Variants in PKP4 observed in about 807,000 individuals in gnomAD.
The protein encoded by PKP4 is plakophilin-4.
Under a neutral mutation model 145.1 loss-of-function variants are expected in PKP4, and 90 were observed. The observed-to-expected ratio is 0.62, with a 90% CI of 0.52 to 0.74. The LOEUF (loss-of-function observed/expected upper bound fraction) is 0.74, where lower values mean the gene tolerates loss of function less well. Among genes scored for constraint, PKP4 ranks in the 30% least tolerant of loss-of-function variants. The pLI, the probability that PKP4 is intolerant of heterozygous loss-of-function variation, is 0.00. For synonymous variants in PKP4, 563 were observed against 577.2 expected, an observed-to-expected ratio of 0.98 and a Z score of 0.35; for missense variants, 1,340 against 1,482.7, an observed-to-expected ratio of 0.90 and a Z score of 1.58.
Position 158,680,660 on chromosome 2 carries a change from C to T in PKP4, c.3562C>T (p.Pro1188Ser), listed in dbSNP as rs770554618. 2.5e-6 allele frequency: 4 copies of T among 1,612,492 alleles called. No homozygotes were observed. Residue 1188 changes from proline to serine, a missense_variant, in exon 22 of 22, where the codon CCA (proline) becomes TCA (serine). Physicochemically the swap from Pro to Ser is moderately conservative, Grantham distance 74. Transcript: ENST00000389759. Reference sequence around the variant, plus strand: ...TAGAGCAGAACAGTACCCAGGGTCCCCAGACTCATGGGTGTAGCATCAAGA... The same window carrying T: ...TAGAGCAGAACAGTACCCAGGGTCCTCAGACTCATGGGTGTAGCATCAAGA... ...SYRAEQYPGSPDSWV is the reference protein window; with the variant it reads ...SYRAEQYPGSSDSWV
intron 16 of PKP4, among the ~76,000 whole-genome samples, chr2:158,667,557 T>C (rs2057213731): frequency 6.6e-6 from 1 of 152,092 alleles, no homozygotes; most frequent in Admixed American, 6.5e-5. Flanking sequence ...ACACCTGCCA[T>C]GAGAGAAGGA....
chr2:158,513,649 C>T (rs2041702751), intron 1 of PKP4, among the ~76,000 whole-genome samples: 1 of 152,312 alleles, frequency 6.6e-6, no homozygotes, highest in African/African-American at 2.4e-5. Flanking sequence ...AACTTTTACT[C>T]TCCTGACTCC....
chr2:158,476,029 C>T (rs1321258589), intron 1 of PKP4, among the ~76,000 whole-genome samples: 2 of 152,086 alleles, frequency 1.3e-5, no homozygotes, highest in African/African-American at 4.8e-5. Context: ...TCATAGAATT[C>T]GTTTTCATTG....
intron 1 of PKP4, among the ~76,000 whole-genome samples, chr2:158,473,180 A>G (rs917416528): frequency 2.0e-5 from 3 of 152,246 alleles, no homozygotes; most frequent in African/African-American, 7.2e-5. Context: ...GAGGTTGCAG[A>G]AAAAAGAGAA....
intron 1 of PKP4, among the ~76,000 whole-genome samples, chr2:158,520,388 AATT>A (rs1361182209): frequency 6.6e-6 from 1 of 152,244 alleles, no homozygotes; most frequent in African/African-American, 2.4e-5. Context: ...TACATCGTAA[AATT>A]ATATTTAGTC....
intron 1 of PKP4, among the ~76,000 whole-genome samples, chr2:158,469,762 T>C (rs1052177905): frequency 1.3e-5 from 2 of 152,246 alleles, no homozygotes; most frequent in South Asian, 2.1e-4. Context: ...ATTTTTAATA[T>C]GGTGCTTTTA....
intron 1 of PKP4, among the ~76,000 whole-genome samples, chr2:158,481,251 T>C (rs1693310622): frequency 6.6e-6 from 1 of 152,164 alleles, no homozygotes; most frequent in Non-Finnish European, 1.5e-5. Context: ...TGAATAATAT[T>C]CCATCACATG....
chr2:158,607,858 A>G (rs534012350), intron 4 of PKP4, among the ~76,000 whole-genome samples: 9 of 152,322 alleles, frequency 5.9e-5, no homozygotes, highest in African/African-American at 2.2e-4. Flanking sequence ...TAGTGGACCT[A>G]TGGCCTTGGC....
At chr2:158,579,485 A>G (rs547286002) in intron 3 of PKP4, among the ~76,000 whole-genome samples, 1 of 152,288 alleles carries the variant, frequency 6.6e-6, no homozygotes, top group East Asian at 1.9e-4. Context: ...TCATAAAAAA[A>G]CTTGACCATG....
intron 3 of PKP4, among the ~76,000 whole-genome samples, chr2:158,596,848 G>A (rs929199168): frequency 6.6e-6 from 1 of 152,080 alleles, no homozygotes; most frequent in African/African-American, 2.4e-5. Flanking sequence ...TACGGTTTTT[G>A]AGCTGTGGAA....
intron 2 of PKP4, among the ~76,000 whole-genome samples, chr2:158,568,132 A>C (rs900878472): frequency 6.6e-6 from 1 of 152,116 alleles, no homozygotes; most frequent in Non-Finnish European, 1.5e-5. Flanking sequence ...TCAGGAGTTC[A>C]AGACCAGCCT....
At chr2:158,675,413 G>A (rs1017995641) in intron 19 of PKP4, among the ~76,000 whole-genome samples, 5 of 151,952 alleles carry the variant, frequency 3.3e-5, no homozygotes, top group South Asian at 2.1e-4. Context: ...GCCCAAGGAC[G>A]CCAAAAGATT....
At chr2:158,637,776 T>TTAC (rs1307522361) in intron 9 of PKP4, among the ~76,000 whole-genome samples, 1 of 152,232 alleles carries the variant, frequency 6.6e-6, no homozygotes, top group Non-Finnish European at 1.5e-5. Flanking sequence ...CCAGTACGAG[T>TTAC]TACTCTATCA....
chr2:158,537,844 A>G (rs1348373841), intron 2 of PKP4, among the ~76,000 whole-genome samples: 2 of 152,108 alleles, frequency 1.3e-5, no homozygotes, highest in Non-Finnish European at 2.9e-5. Flanking sequence ...CCTGGGCAAC[A>G]TGACAAAAAC....
intron 4 of PKP4, among the ~76,000 whole-genome samples, chr2:158,606,580 G>A (rs551396396): frequency 1.3e-5 from 2 of 152,172 alleles, no homozygotes; most frequent in African/African-American, 4.8e-5. Flanking sequence ...TACAAAAAGT[G>A]GATAAAATTA....
intron 3 of PKP4, among the ~76,000 whole-genome samples, chr2:158,598,123 C>G (rs1257502685): frequency 6.6e-6 from 1 of 152,152 alleles, no homozygotes; most frequent in African/African-American, 2.4e-5. Context: ...TGTGTCAAGC[C>G]TGATTTTTTT....
chr2:158,499,782 A>G (rs1425687812), intron 1 of PKP4, among the ~76,000 whole-genome samples: 3 of 152,218 alleles, frequency 2.0e-5, no homozygotes, highest in South Asian at 4.2e-4. Flanking sequence ...TGGACTAAAT[A>G]AAAAACTGCA....
intron 4 of PKP4, among the ~76,000 whole-genome samples, chr2:158,616,887 A>C (rs567710965): frequency 1.1e-3 from 167 of 152,352 alleles, no homozygotes; most frequent in African/African-American, 3.7e-3. Context: ...GGTTCATTAA[A>C]GAGGCCTTAG....
intron 1 of PKP4, among the ~76,000 whole-genome samples, chr2:158,477,507 T>G (rs1257247390): frequency 6.6e-6 from 1 of 152,224 alleles, no homozygotes; most frequent in South Asian, 2.1e-4. Flanking sequence ...TATCAGCTCC[T>G]GTACCGTTGA....
Sources: gnomAD v4.1 joint callset for allele counts (sites outside exome capture counted in the v4.1 genomes callset) on GRCh38, gnomAD v4.1.1 for gene constraint, MANE v1.5 for transcripts, NCBI Gene and HGNC (gene_info 2026-07-23, HGNC 2026-07-21) for gene names.